Variants in ZNF334 observed in about 807,000 individuals in gnomAD.
The protein encoded by ZNF334 is zinc finger protein 334.
In ZNF334, 14 loss-of-function variants were observed where a neutral mutation model predicts 12.4. That is an observed-to-expected ratio of 1.13 (90% CI 0.74 to 1.76). The LOEUF (loss-of-function observed/expected upper bound fraction) is 1.76. Among genes scored for constraint, ZNF334 ranks in the 40% most tolerant of loss-of-function variants. The pLI is 0.00. For synonymous variants in ZNF334, 273 were observed against 269.6 expected, an observed-to-expected ratio of 1.01 and a Z score of -0.12; for missense variants, 797 against 804.5, an observed-to-expected ratio of 0.99 and a Z score of 0.11.
chr20:46,504,021 A>G (rs138027748), intron 4 of ZNF334, among the ~76,000 whole-genome samples, 193 bp downstream of exon 4: 115 of 152,334 alleles, frequency 7.5e-4, no homozygotes, highest in African/African-American at 2.3e-3. Flanking sequence ...CATCTTTATA[A>G]ATTTCAATTA....
At chr20:46,463,939 TC>T in the ZNF334 span, 1 of 550,162 alleles carries the variant, frequency 1.8e-6, no homozygotes, top group Admixed American at 2.0e-5. Flanking sequence ...ATGGAACAAG[TC>T]CCACTCATTT....
downstream of ZNF334, among the ~76,000 whole-genome samples, chr20:46,497,424 T>C (rs542503434): frequency 8.7e-4 from 132 of 152,344 alleles, no homozygotes; most frequent in African/African-American, 3.1e-3. Flanking sequence ...CGTTAACATA[T>C]AATAATTCAG....
chr20:46,472,949 A>G, the ZNF334 span, among the ~76,000 whole-genome samples: 1 of 152,226 alleles, frequency 6.6e-6, no homozygotes, highest in African/African-American at 2.4e-5. Context: ...CTAGATGTGG[A>G]TATATTAGAA....
At chr20:46,485,242 C>T in the ZNF334 span, 3 of 159,500 alleles carry the variant, frequency 1.9e-5, no homozygotes, top group Admixed American at 1.3e-4. Flanking sequence ...CTTTACCCCA[C>T]GTTTATCACT....
At chr20:46,507,905 A>G (rs1357255515) in intron 2 of ZNF334, among the ~76,000 whole-genome samples, 1 of 152,238 alleles carries the variant, frequency 6.6e-6, no homozygotes, top group Admixed American at 6.5e-5. Context: ...AATTATAGGC[A>G]CAACAATAGA....
chr20:46,485,303 T>C, the ZNF334 span, among the ~76,000 whole-genome samples: 2 of 152,180 alleles, frequency 1.3e-5, no homozygotes, highest in African/African-American at 4.8e-5. Context: ...GTAAACGGTG[T>C]GCTGGGAAAA....
downstream of ZNF334, among the ~76,000 whole-genome samples, chr20:46,495,969 G>C (rs1358723098): frequency 6.6e-6 from 1 of 152,146 alleles, no homozygotes; most frequent in Non-Finnish European, 1.5e-5. Flanking sequence ...GGAAGGTCTG[G>C]AGGAAGATCT....
At chr20:46,481,224 TAA>T in the ZNF334 span, 1 of 152,218 alleles carries the variant, frequency 6.6e-6, no homozygotes, top group Non-Finnish European at 1.5e-5. Context: ...TTTACAGGGC[TAA>T]AGACATTTTG....
At chr20:46,486,566 T>C in the ZNF334 span, among the ~76,000 whole-genome samples, 3 of 152,218 alleles carry the variant, frequency 2.0e-5, no homozygotes, top group Non-Finnish European at 4.4e-5. Context: ...CATGTCTTTT[T>C]AGTGCCATAT....
chr20:46,490,367 T>C, the ZNF334 span, among the ~76,000 whole-genome samples: 1 of 152,192 alleles, frequency 6.6e-6, no homozygotes, highest in Admixed American at 6.5e-5. Flanking sequence ...AAGACAGATG[T>C]GTATTTACTC....
At chr20:46,490,046 A>G in the ZNF334 span, among the ~76,000 whole-genome samples, 16 of 152,210 alleles carry the variant, frequency 1.1e-4, no homozygotes, top group African/African-American at 3.9e-4. Flanking sequence ...GCTAGAACTC[A>G]TGACACCACA....
chr20:46,511,318 AG>A (rs944869816), intron 2 of ZNF334, among the ~76,000 whole-genome samples: 16 of 152,120 alleles, frequency 1.1e-4, no homozygotes, highest in South Asian at 1.0e-3. Context: ...CCTATTAGGG[AG>A]GGGGCAGTCA....
At chr20:46,468,694 A>C in the ZNF334 span, among the ~76,000 whole-genome samples, 2 of 152,162 alleles carry the variant, frequency 1.3e-5, no homozygotes, top group Non-Finnish European at 2.9e-5. Context: ...AAGAGGCTGT[A>C]ACTTCCAGTG....
chr20:46,498,396 C>T (rs900452642), downstream of ZNF334, among the ~76,000 whole-genome samples: 4 of 152,166 alleles, frequency 2.6e-5, no homozygotes, highest in Non-Finnish European at 1.5e-5. Flanking sequence ...CTCAAGAAAC[C>T]CTATGGAGAG....
At chr20:46,467,069 C>A in the ZNF334 span, among the ~76,000 whole-genome samples, 1 of 151,908 alleles carries the variant, frequency 6.6e-6, no homozygotes, top group African/African-American at 2.4e-5. Flanking sequence ...ATGTTAACAG[C>A]AATACACTGT....
rs2061154167 is a variant in ZNF334 at position 46,501,377 on chromosome 20, TTTC to T, written c.1959_1961del (p.Lys654del). ...TCTCACATTTGTTACATTCATAAGG[TTTC>T]TCTCCTGTGTGTATTTTCTGATGTT... On this transcript the variant is annotated inframe_deletion, in exon 5 of 5. Transcript: ENST00000692313. 1 of 1,614,028 alleles carries T rather than the reference TTTC, an allele frequency of 6.2e-7. No homozygotes were observed. Among genetic ancestry groups the T allele is most frequent in the Admixed American group, 1.7e-5 (1 of 60,006 alleles).
chr20:46,501,810 A>G lies in ZNF334; in HGVS notation c.1529T>C (p.Met510Thr). ...CTCATAAAGATTCTCCTTTGTGTTC[A>G]TTCTCTTACACTGACTGCAGTTTGA... ...VKSNCSQCKR[M>T]NTKENLYECS... is the part of the protein sequence containing the mutation. Residue 510 changes from methionine (M) to threonine (T), a missense_variant, in exon 5 of 5, where the codon ATG (methionine) becomes ACG (threonine). Coordinates refer to ENST00000692313, the MANE Select transcript of ZNF334 (RefSeq NM_001353824.2). The G allele has an allele frequency of 6.2e-7, 1 of 1,614,010 alleles. No homozygotes were observed. The highest frequency in any genetic ancestry group is 8.5e-7 in the Non-Finnish European group (1 of 1,179,984).
At chr20:46,464,448 T>A in the ZNF334 span, 4 of 518,786 alleles carry the variant, frequency 7.7e-6, no homozygotes, top group African/African-American at 5.8e-5. Context: ...TCACTGGGGC[T>A]GGCTTTCTCA....
chr20:46,481,665 A>G, the ZNF334 span, among the ~76,000 whole-genome samples: 5 of 152,314 alleles, frequency 3.3e-5, no homozygotes, highest in Admixed American at 3.3e-4. Context: ...AGTCAGGTGG[A>G]TGGGATGAAG....
Sources: gnomAD v4.1 joint callset for allele counts (sites outside exome capture counted in the v4.1 genomes callset) on GRCh38, gnomAD v4.1.1 for gene constraint, MANE v1.5 for transcripts, NCBI Gene and HGNC (gene_info 2026-07-23, HGNC 2026-07-21) for gene names.